The following PPP2R2B variants were observed in gnomAD, a reference collection of about 807,000 sequenced individuals.
PPP2R2B encodes the protein protein phosphatase 2 regulatory subunit Bbeta, also known as serine/threonine-protein phosphatase 2A 55 kDa regulatory subunit B beta isoform.
In PPP2R2B, 5 loss-of-function variants were observed where a neutral mutation model predicts 46.0. The observed-to-expected ratio is 0.11, with a 90% CI of 0.06 to 0.23. PPP2R2B has a LOEUF of 0.23. Ranked by LOEUF, PPP2R2B falls within the 10% of genes least tolerant of loss-of-function variation. The pLI is 1.00. For synonymous variants in PPP2R2B, 215 were observed against 206.7 expected (o/e 1.04, Z -0.34); for missense variants, 367 against 575.0 (o/e 0.64, Z 3.70).
At chr5:146,977,033 C>A (rs969608706) in intron 1 of PPP2R2B, among the ~76,000 whole-genome samples, 2 of 129,124 alleles carry the variant, frequency 1.5e-5, no homozygotes, top group Non-Finnish European at 3.6e-5. Context: ...TACAGGCCAA[C>A]AAATCCCAAA....
At chr5:146,825,547 T>A (rs573776972) in intron 2 of PPP2R2B, among the ~76,000 whole-genome samples, 1 of 152,328 alleles carries the variant, frequency 6.6e-6, no homozygotes, top group East Asian at 1.9e-4. Context: ...TCATAAGTGT[T>A]TTTTCTTTCC....
chr5:146,808,401 CATCACTCT>C (rs1012366495), intron 2 of PPP2R2B, among the ~76,000 whole-genome samples: 4 of 152,164 alleles, frequency 2.6e-5, no homozygotes, highest in African/African-American at 9.7e-5. Context: ...TGCTGAAAAT[CATCACTCT>C]ATCACTGGCC....
intron 2 of PPP2R2B, among the ~76,000 whole-genome samples, chr5:147,070,984 G>A (rs984920999): frequency 8.6e-5 from 13 of 151,774 alleles, no homozygotes; most frequent in South Asian, 4.2e-4. Context: ...GCGAGACTCC[G>A]TCTTGAAAAA....
At chr5:147,003,087 G>A (rs1055396623) in intron 1 of PPP2R2B, among the ~76,000 whole-genome samples, 8 of 152,096 alleles carry the variant, frequency 5.3e-5, no homozygotes, top group Non-Finnish European at 8.8e-5. Flanking sequence ...TTTTCTGTAC[G>A]AGGGAAGGCA....
At chr5:146,623,481 T>C (rs1773838172) in intron 7 of PPP2R2B, among the ~76,000 whole-genome samples, 1 of 152,262 alleles carries the variant, frequency 6.6e-6, no homozygotes, top group Admixed American at 6.5e-5. Context: ...CACAATACTT[T>C]GTTAACACTT....
intron 4 of PPP2R2B, 138 bp downstream of exon 4, chr5:146,697,841 T>C: frequency 1.3e-6 from 1 of 762,404 alleles, no homozygotes; most frequent in Non-Finnish European, 2.0e-6. Flanking sequence ...CCAGGCACTC[T>C]GCTAAGCATC....
chr5:146,621,551 G>A (rs184254789), intron 7 of PPP2R2B, among the ~76,000 whole-genome samples: 15 of 152,266 alleles, frequency 9.9e-5, no homozygotes, highest in African/African-American at 3.1e-4. Context: ...GGATTAAACC[G>A]CTGGTTTGGG....
At position 146,582,680 on chromosome 5, in the gene PPP2R2B, A is replaced by G. The variant is rs955735133; in HGVS notation, c.*7267T>C. 12 of 152,274 alleles carry G rather than the reference A, an allele frequency of 7.9e-5. No homozygotes were observed. The highest frequency in any genetic ancestry group is 3.3e-4 in the Admixed American group (5 of 15,286). 9.4% of individuals were successfully genotyped at this position (152,274 alleles called of 1,614,324 possible). ...TCCTTACACGTTTATTTGTTCATTC[A>G]TTCAACAAAACTTTTGAGCACCTAC... On this transcript the variant is annotated 3_prime_UTR_variant, in exon 10 of 10. Transcript: ENST00000394411.
chr5:146,900,730 T>C (rs1270108776), intron 1 of PPP2R2B, among the ~76,000 whole-genome samples: 1 of 151,968 alleles, frequency 6.6e-6, no homozygotes, highest in Non-Finnish European at 1.5e-5. Flanking sequence ...ATCAACCCAT[T>C]ACCTAGGTAT....
intron 1 of PPP2R2B, among the ~76,000 whole-genome samples, chr5:146,970,248 C>A (rs971547660): frequency 1.3e-5 from 2 of 152,162 alleles, no homozygotes; most frequent in African/African-American, 4.8e-5. Flanking sequence ...GAGTCTGGCA[C>A]CAGAACCTAC....
chr5:146,682,494 T>A (rs1277023321), intron 5 of PPP2R2B, among the ~76,000 whole-genome samples: 2 of 152,190 alleles, frequency 1.3e-5, no homozygotes, highest in African/African-American at 2.4e-5. Context: ...AGCTTGAACC[T>A]GGTTTAAAAA....
At chr5:147,066,316 G>A (rs909614429) in intron 2 of PPP2R2B, among the ~76,000 whole-genome samples, 1 of 152,194 alleles carries the variant, frequency 6.6e-6, no homozygotes, top group Admixed American at 6.5e-5. Context: ...AATGCTGACT[G>A]TATTCCATGC....
At chr5:146,649,067 C>G (rs1260220047) in intron 6 of PPP2R2B, among the ~76,000 whole-genome samples, 1 of 152,092 alleles carries the variant, frequency 6.6e-6, no homozygotes, top group East Asian at 1.9e-4. Context: ...GAATGGAGAC[C>G]AGATGAGATT....
chr5:146,706,262 T>G, intron 2 of PPP2R2B: 1 of 483,970 alleles, frequency 2.1e-6, no homozygotes, highest in South Asian at 1.7e-5. Context: ...CTTGATCTTC[T>G]TCACAACCAT....
chr5:146,632,779 G>T (rs1040108269), intron 7 of PPP2R2B, among the ~76,000 whole-genome samples: 6 of 152,142 alleles, frequency 3.9e-5, no homozygotes, highest in Non-Finnish European at 8.8e-5. Context: ...TAGAGTGTGT[G>T]GGGGGCAGGG....
intron 2 of PPP2R2B, among the ~76,000 whole-genome samples, chr5:146,863,433 C>T (rs7718587): frequency 0.26 from 39,031 of 151,858 alleles, 5,098 homozygotes; most frequent in East Asian, 0.35. Flanking sequence ...TACAGATCTG[C>T]GCTACTCTAA....
Position 146,802,325 on chromosome 5 carries a change from T to C in PPP2R2B, c.70+75677A>G, listed in dbSNP as rs1756913474. On this transcript the variant is annotated intron_variant, in intron 2 of 9. Transcript: ENST00000394411. ...AGCTATCTCCAAATTTGTTGGATAA[T>C]TAAATTCTACCCAAGAACTCAACAG... is the stretch of plus-strand genomic sequence containing the variant. Among the ~76,000 whole-genome samples, 3 of 152,356 alleles carry C rather than the reference T, an allele frequency of 2.0e-5. 1 individual carries two copies. The South Asian group carries it at 6.2e-4, about 32-fold the overall frequency.
At chr5:147,041,250 G>C (rs1217757037) in intron 1 of PPP2R2B, among the ~76,000 whole-genome samples, 5 of 152,146 alleles carry the variant, frequency 3.3e-5, no homozygotes, top group Admixed American at 3.3e-4. Context: ...GATGAGGACT[G>C]CCAAGGGCCA....
intron 1 of PPP2R2B, among the ~76,000 whole-genome samples, chr5:146,895,666 T>C (rs1762622489): frequency 1.3e-5 from 2 of 152,216 alleles, no homozygotes; most frequent in African/African-American, 2.4e-5. Flanking sequence ...TAACTAGTAA[T>C]GGTTGAGATA....
Sources: allele counts gnomAD v4.1 joint callset (sites outside exome capture counted in the v4.1 genomes callset), GRCh38; gene constraint gnomAD v4.1.1; transcripts MANE v1.5; gene names NCBI Gene and HGNC (gene_info 2026-07-23, HGNC 2026-07-21).